The following PIKFYVE variants were observed in gnomAD, a reference collection of about 807,000 sequenced individuals.
The protein encoded by PIKFYVE is 1-phosphatidylinositol 3-phosphate 5-kinase.
A neutral mutation model predicts 257.9 loss-of-function variants in PIKFYVE; 122 were observed. That is an observed-to-expected ratio of 0.47 (90% CI 0.41 to 0.55). PIKFYVE has a LOEUF of 0.55. PIKFYVE is among the 20% of genes least tolerant of loss of function. The pLI is 0.00. For missense variants in PIKFYVE, 2,160 were observed against 2,536.6 expected (o/e 0.85, Z 3.19); for synonymous variants, 892 against 868.9 (o/e 1.03, Z -0.47).
At chr2:208,282,697 T>C (rs987135364) in intron 5 of PIKFYVE, among the ~76,000 whole-genome samples, 10 of 152,204 alleles carry the variant, frequency 6.6e-5, no homozygotes, top group Admixed American at 1.3e-4. Flanking sequence ...CTTCACAGCA[T>C]CTCAGCTTGA....
rs1700193457 is a variant in PIKFYVE at position 208,356,903 on chromosome 2, C to T, written c.*1598C>T. On this transcript the variant is annotated 3_prime_UTR_variant, in exon 42 of 42. Transcript: ENST00000264380. The stretch of plus-strand genomic sequence containing the variant: ...CATTAACCTTCACATAATAAGAAAT[C>T]TGGACAAGTTCAGTTACACAGTATG... The T allele has an allele frequency of 6.6e-6, 1 of 152,588 alleles. No homozygotes were observed. The allele number at this position is 152,588 out of a possible 1,614,324, so 9.5% of individuals were successfully genotyped here. A position where few individuals can be genotyped will look rare whatever the true frequency, so the allele number is the denominator to read the frequency against.
At chr2:208,288,919 A>T (rs1181107464) in intron 7 of PIKFYVE, 101 bp downstream of exon 7, 1 of 1,402,732 alleles carries the variant, frequency 7.1e-7, no homozygotes, top group Non-Finnish European at 1.0e-6. Context: ...ATTGTCATAT[A>T]CTTCCGTAGC....
chr2:208,277,843 C>T, intron 5 of PIKFYVE, 135 bp downstream of exon 5: 1 of 894,740 alleles, frequency 1.1e-6, no homozygotes, highest in South Asian at 1.5e-5. Context: ...GTGAGGGAGA[C>T]AGCTTTGCTT....
At chr2:208,318,828 G>C (rs183878098) in intron 16 of PIKFYVE, among the ~76,000 whole-genome samples, 2 of 151,966 alleles carry the variant, frequency 1.3e-5, no homozygotes, top group Non-Finnish European at 2.9e-5. Flanking sequence ...GCGTGTGCCT[G>C]TAGTCTCAGC....
At chr2:208,317,696 C>A (rs1695706861) in intron 15 of PIKFYVE, among the ~76,000 whole-genome samples, 171 bp from the exon 16 acceptor site, 1 of 152,096 alleles carries the variant, frequency 6.6e-6, no homozygotes, top group Admixed American at 6.5e-5. Context: ...CAGAGTCATG[C>A]AGAGATGCCA....
chr2:208,348,599 A>AGTGT (rs35997291), intron 35 of PIKFYVE, among the ~76,000 whole-genome samples: 41,791 of 128,760 alleles, frequency 0.32, 6,875 homozygotes, highest in Admixed American at 0.4. Flanking sequence ...AAAAAAAAAA[A>AGTGT]GTGTGTGTGT....
At chr2:208,338,340 T>C (rs1010289465) in intron 28 of PIKFYVE, among the ~76,000 whole-genome samples, 168 bp from the exon 29 acceptor site, 2 of 152,130 alleles carry the variant, frequency 1.3e-5, no homozygotes, top group South Asian at 4.1e-4. Context: ...AGGTAAAAAT[T>C]TCTAAGGTAA....
chr2:208,339,820 T>C (rs573148831), intron 30 of PIKFYVE, among the ~76,000 whole-genome samples, 191 bp from the exon 31 acceptor site: 1 of 152,356 alleles, frequency 6.6e-6, no homozygotes, highest in South Asian at 2.1e-4. Flanking sequence ...TTGGAGTCCA[T>C]GCTGTGTATG....
chr2:208,312,326 G>A (rs370008767), intron 13 of PIKFYVE, 31 bp downstream of exon 13: 1 of 1,545,266 alleles, frequency 6.5e-7, no homozygotes, highest in Non-Finnish European at 8.9e-7. Context: ...ATGTGGAATG[G>A]TGTCTCTTTT....
intron 7 of PIKFYVE, among the ~76,000 whole-genome samples, chr2:208,298,051 T>G (rs4675751): frequency 6.6e-6 from 1 of 152,018 alleles, no homozygotes; most frequent in African/African-American, 2.4e-5. Flanking sequence ...GGTCATAACA[T>G]TTTGCTTATT....
intron 7 of PIKFYVE, among the ~76,000 whole-genome samples, chr2:208,293,879 T>G (rs1692631399): frequency 1.3e-5 from 2 of 152,120 alleles, no homozygotes; most frequent in Admixed American, 1.3e-4. Flanking sequence ...TGAATACACT[T>G]AGTTTTGCCT....
chr2:208,305,502 T>G, intron 12 of PIKFYVE: 5 of 876,104 alleles, frequency 5.7e-6, no homozygotes, highest in Non-Finnish European at 6.9e-6. Flanking sequence ...ATAATGCTTA[T>G]TATGTATATT....
At chr2:208,305,976 G>A (rs926613542) in intron 12 of PIKFYVE, among the ~76,000 whole-genome samples, 1 of 152,110 alleles carries the variant, frequency 6.6e-6, no homozygotes, top group Non-Finnish European at 1.5e-5. Flanking sequence ...CCTAAGTTTT[G>A]CGCACTCTAT....
At chr2:208,310,109 G>A (rs961409135) in intron 12 of PIKFYVE, among the ~76,000 whole-genome samples, 4 of 152,098 alleles carry the variant, frequency 2.6e-5, no homozygotes, top group Non-Finnish European at 2.9e-5. Flanking sequence ...TGAAGTTGAA[G>A]CGTAATAGTT....
At chr2:208,322,650 A>G (rs1663334002) in intron 17 of PIKFYVE, among the ~76,000 whole-genome samples, 1 of 151,440 alleles carries the variant, frequency 6.6e-6, no homozygotes, top group African/African-American at 2.4e-5. Flanking sequence ...GGATGAAGAA[A>G]ATTTAGTCTA....
intron 3 of PIKFYVE, among the ~76,000 whole-genome samples, 172 bp from the exon 4 acceptor site, chr2:208,276,539 TC>T (rs1690130331): frequency 6.6e-6 from 1 of 152,172 alleles, no homozygotes; most frequent in South Asian, 2.1e-4. Context: ...AGAAATACTT[TC>T]AGTAGCCTCT....
In PIKFYVE at chr2:208,273,602, A is replaced by T. The variant is rs753007738; in HGVS notation, c.191A>T (p.Gln64Leu). 2 of 1,614,220 alleles carry T rather than the reference A, an allele frequency of 1.2e-6. No homozygotes were observed. The highest frequency in any genetic ancestry group is 4.5e-5 in the East Asian group (2 of 44,886). The change falls in exon 3 of 42, where the codon CAG becomes CTG. Residue 64 changes from glutamine to leucine, a missense_variant. This residue lies in a region of PIKFYVE where 172 missense variants were observed against 180.6 expected (regional missense o/e 0.95). Transcript: ENST00000264380. ...GCTACAGAGAGAGCAGAAGGAGGCC[A>T]GGGAGAACAGCAGCCTTTGAGTGGA... Reference protein sequence around the residue: ...RFNKERAEGGQGEQQPLSGSW... With the variant: ...RFNKERAEGGLGEQQPLSGSW...
rs758147021 is a variant in PIKFYVE at position 208,271,513 on chromosome 2, T to G, written c.-7T>G. On this transcript the variant is annotated splice_region_variant and 5_prime_UTR_variant, in exon 2 of 42. Transcript: ENST00000264380. ...TGCTTGTTTCTTTTGTTTTTCAGACTCATGAAATGGCCACAGATGATAAGA... is the reference window on the plus strand; with the variant it reads ...TGCTTGTTTCTTTTGTTTTTCAGACGCATGAAATGGCCACAGATGATAAGA... 31 of 1,614,022 alleles carry G rather than the reference T, an allele frequency of 1.9e-5. No homozygotes were observed. Among genetic ancestry groups the G allele is most frequent in the South Asian group, 4.4e-5 (4 of 91,088 alleles).
intron 7 of PIKFYVE, among the ~76,000 whole-genome samples, chr2:208,297,901 G>C (rs1238430113): frequency 6.6e-6 from 1 of 150,648 alleles, no homozygotes; most frequent in Non-Finnish European, 1.5e-5. Flanking sequence ...CAAAATTAAG[G>C]ATATGTATGA....
Sources: gnomAD v4.1 joint callset for allele counts (sites outside exome capture counted in the v4.1 genomes callset) on GRCh38, gnomAD v4.1.1 for gene constraint, gnomAD v4.1.1 regional missense constraint, MANE v1.5 for transcripts, NCBI Gene and HGNC (gene_info 2026-07-23, HGNC 2026-07-21) for gene names.